CNTN5: variants seen among roughly 807,000 people sequenced by gnomAD.
CNTN5 encodes the protein contactin 5, also known as contactin-5.
In CNTN5, 77 loss-of-function variants were observed where a neutral mutation model predicts 129.1. The ratio of observed to expected loss-of-function variants is 0.60; its 90% CI spans 0.50 to 0.72. The LOEUF is 0.72. CNTN5 is among the 30% of genes least tolerant of loss of function. The pLI, the probability that CNTN5 is intolerant of heterozygous loss-of-function variation, is 0.00. For synonymous variants in CNTN5, 509 were observed against 465.6 expected (o/e 1.09, Z -1.20); for missense variants, 1,478 against 1,328.8 (o/e 1.11, Z -1.75).
At chr11:99,332,679 C>T (rs1866049569) in intron 2 of CNTN5, among the ~76,000 whole-genome samples, 1 of 151,984 alleles carries the variant, frequency 6.6e-6, no homozygotes, top group South Asian at 2.1e-4. Flanking sequence ...CACGCCTCTA[C>T]AAATGTTAGG....
intron 1 of CNTN5, chr11:99,120,173 T>G (rs1213637648): frequency 6.6e-6 from 1 of 152,118 alleles, no homozygotes; most frequent in Admixed American, 6.6e-5. Flanking sequence ...TTGCTTTTGG[T>G]GTGTTTCTCA....
intron 7 of CNTN5, among the ~76,000 whole-genome samples, chr11:99,926,308 A>C (rs1456405265): frequency 6.6e-6 from 1 of 152,172 alleles, no homozygotes; most frequent in East Asian, 1.9e-4. Context: ...CTCAGAGTTT[A>C]AGAAGGGGAA....
chr11:100,044,097 T>TACAC lies in CNTN5; in HGVS notation c.981-17114_981-17113insCACA, dbSNP rs199673165. Among the ~76,000 whole-genome samples, 36 of 123,302 alleles carry TACAC rather than the reference T, an allele frequency of 2.9e-4. No homozygotes were observed. The East Asian group carries it at 8.4e-3, about 29-fold the overall frequency. 80.9% of individuals were successfully genotyped at this position (123,302 alleles called of 152,430 possible). The stretch of plus-strand genomic sequence containing the variant: ...GGTGTCTATTATTCCACAGTGTATA[T>TACAC]ATACACACACACACACACACGTATA... On this transcript the variant is annotated intron_variant, in intron 9 of 24. Transcript: ENST00000524871.
intron 8 of CNTN5, among the ~76,000 whole-genome samples, chr11:99,991,398 C>CAGAG (rs1939087190): frequency 1.3e-5 from 2 of 152,082 alleles, no homozygotes; most frequent in Non-Finnish European, 2.9e-5. Context: ...ACCCGGGAGG[C>CAGAG]AGAGCTTGCA....
At chr11:99,523,702 A>C (rs1947373870) in intron 2 of CNTN5, among the ~76,000 whole-genome samples, 1 of 43,774 alleles carries the variant, frequency 2.3e-5, no homozygotes, top group South Asian at 1.0e-3. Context: ...AACAGAATAG[A>C]ACAGAATAGA....
At chr11:100,006,592 GT>G (rs1940207024) in intron 9 of CNTN5, among the ~76,000 whole-genome samples, 1 of 152,240 alleles carries the variant, frequency 6.6e-6, no homozygotes, top group East Asian at 1.9e-4. Context: ...CAGCAATTCA[GT>G]CACATCTTCC....
At chr11:99,762,742 T>C (rs1021734454) in intron 3 of CNTN5, among the ~76,000 whole-genome samples, 3 of 152,178 alleles carry the variant, frequency 2.0e-5, no homozygotes, top group Admixed American at 1.3e-4. Flanking sequence ...ATTTGTTTAT[T>C]CAATGAGACA....
chr11:99,325,892 T>C (rs1344423768), intron 2 of CNTN5, among the ~76,000 whole-genome samples: 4 of 152,188 alleles, frequency 2.6e-5, no homozygotes, highest in African/African-American at 9.6e-5. Context: ...TTGTGCTTTT[T>C]GTATGTGCTC....
intron 9 of CNTN5, among the ~76,000 whole-genome samples, chr11:100,036,641 C>T (rs1422820158): frequency 6.7e-6 from 1 of 150,134 alleles, no homozygotes; most frequent in Admixed American, 6.7e-5. Context: ...TCTTTTATTT[C>T]ATTGAGCAGT....
chr11:99,533,896 A>G (rs2453263), intron 2 of CNTN5, among the ~76,000 whole-genome samples: 150,363 of 152,276 alleles, frequency 0.99, 74,275 homozygotes, highest in East Asian at 1. Context: ...CAGGGTCCAT[A>G]CTCATAGAGA....
intron 1 of CNTN5, among the ~76,000 whole-genome samples, chr11:99,100,946 G>A (rs765018988): frequency 7.9e-5 from 12 of 152,244 alleles, no homozygotes; most frequent in Middle Eastern, 3.4e-3. Flanking sequence ...GAATTAATAT[G>A]ATTGTATTAG....
At chr11:99,292,688 T>G (rs1223572884) in intron 1 of CNTN5, among the ~76,000 whole-genome samples, 1 of 152,156 alleles carries the variant, frequency 6.6e-6, no homozygotes, top group Non-Finnish European at 1.5e-5. Context: ...GGACAGACAT[T>G]TGAAACATTT....
chr11:100,118,046 T>C (rs1473098263), intron 13 of CNTN5, among the ~76,000 whole-genome samples: 1 of 151,788 alleles, frequency 6.6e-6, no homozygotes, highest in Admixed American at 6.6e-5. Context: ...TTTTTTCCCT[T>C]CCATGTAATG....
At chr11:100,267,667 G>A (rs1048106036) in intron 17 of CNTN5, among the ~76,000 whole-genome samples, 1 of 152,138 alleles carries the variant, frequency 6.6e-6, no homozygotes, top group African/African-American at 2.4e-5. Context: ...GGCAGGAGCA[G>A]AATGAGGTTT....
chr11:99,797,159 G>A (rs1038736768), intron 3 of CNTN5, among the ~76,000 whole-genome samples: 1 of 152,128 alleles, frequency 6.6e-6, no homozygotes, highest in African/African-American at 2.4e-5. Context: ...CCATCGATGT[G>A]CAGTTAAGTT....
intron 1 of CNTN5, among the ~76,000 whole-genome samples, chr11:99,278,369 T>C (rs2510683): frequency 0.014 from 2,074 of 151,796 alleles, 47 homozygotes; most frequent in African/African-American, 0.047. Flanking sequence ...GAATATAAAA[T>C]TCAAGTTTGT....
intron 1 of CNTN5, among the ~76,000 whole-genome samples, chr11:99,050,943 C>T (rs1178999870): frequency 6.6e-6 from 1 of 151,638 alleles, no homozygotes; most frequent in African/African-American, 2.4e-5. Context: ...CATTAATGTC[C>T]TACATATGTA....
chr11:99,150,866 C>G (rs1860017955), intron 1 of CNTN5, among the ~76,000 whole-genome samples: 2 of 152,040 alleles, frequency 1.3e-5, no homozygotes, highest in Non-Finnish European at 2.9e-5. Flanking sequence ...ATTCAGGATA[C>G]CTCATAAGTA....
intron 3 of CNTN5, among the ~76,000 whole-genome samples, chr11:99,704,739 C>G (rs956718505): frequency 1.3e-5 from 2 of 151,046 alleles, no homozygotes; most frequent in Admixed American, 6.6e-5. Flanking sequence ...CTCTAGAATT[C>G]ATTATACTTT....
Sources: gnomAD v4.1 joint callset for allele counts (sites outside exome capture counted in the v4.1 genomes callset) on GRCh38, gnomAD v4.1.1 for gene constraint, MANE v1.5 for transcripts, NCBI Gene and HGNC (gene_info 2026-07-23, HGNC 2026-07-21) for gene names.